MBD5: variants seen among roughly 807,000 people sequenced by gnomAD.
The protein encoded by MBD5 is methyl-CpG binding domain protein 5.
MBD5 carries 13 observed loss-of-function variants against 117.3 expected under a neutral mutation model. The ratio of observed to expected loss-of-function variants is 0.11; its 90% CI spans 0.07 to 0.18. The LOEUF (loss-of-function observed/expected upper bound fraction) is 0.18, where lower values mean the gene tolerates loss of function less well. Ranked by LOEUF, MBD5 falls within the 10% of genes least tolerant of loss-of-function variation. The pLI is 1.00. For missense variants in MBD5, 1,879 were observed against 2,093.8 expected (o/e 0.90, Z 2.00); for synonymous variants, 727 against 766.4 (o/e 0.95, Z 0.85).
intron 2 of MBD5, among the ~76,000 whole-genome samples, chr2:148,208,608 A>C (rs1358045239): frequency 1.3e-5 from 2 of 151,298 alleles, no homozygotes; most frequent in Non-Finnish European, 2.9e-5. Flanking sequence ...GTGTGGCTGG[A>C]AACAATTTTG....
chr2:148,245,327 G>A (rs1434421648), intron 3 of MBD5, among the ~76,000 whole-genome samples: 1 of 152,190 alleles, frequency 6.6e-6, no homozygotes, highest in Admixed American at 6.5e-5. Flanking sequence ...CTGGGTTCAA[G>A]CGATTCTCCT....
chr2:148,279,002 A>G (rs1701177095), intron 3 of MBD5, among the ~76,000 whole-genome samples: 1 of 152,150 alleles, frequency 6.6e-6, no homozygotes, highest in African/African-American at 2.4e-5. Flanking sequence ...TTTTTGTTCC[A>G]TATGGTCCCC....
intron 1 of MBD5, among the ~76,000 whole-genome samples, chr2:148,138,195 A>T (rs1355787283): frequency 1.3e-5 from 2 of 152,226 alleles, no homozygotes; most frequent in Non-Finnish European, 2.9e-5. Context: ...CAAAGGCCTC[A>T]TACACAGTGC....
intron 1 of MBD5, among the ~76,000 whole-genome samples, chr2:148,151,634 A>G (rs1215112222): frequency 6.6e-6 from 1 of 152,178 alleles, no homozygotes; most frequent in Non-Finnish European, 1.5e-5. Context: ...TTATTGGTCT[A>G]TTCAGAGATT....
intron 1 of MBD5, among the ~76,000 whole-genome samples, chr2:148,139,842 C>T (rs1433498159): frequency 7.2e-5 from 11 of 152,168 alleles, no homozygotes; most frequent in Admixed American, 4.6e-4. Context: ...CCCAACATAT[C>T]CTGTTCACCT....
intron 2 of MBD5, among the ~76,000 whole-genome samples, chr2:148,195,075 A>C (rs1574120421): frequency 6.6e-6 from 1 of 152,196 alleles, no homozygotes; most frequent in African/African-American, 2.4e-5. Context: ...AGGTATGTCT[A>C]TGTTCCAATA....
At chr2:148,412,696 G>C (rs1337783703) in intron 4 of MBD5, among the ~76,000 whole-genome samples, 1 of 151,938 alleles carries the variant, frequency 6.6e-6, no homozygotes, top group African/African-American at 2.4e-5. Flanking sequence ...TGTATTCCCA[G>C]GTATTTTATT....
chr2:148,238,348 G>T (rs957320167), intron 3 of MBD5, among the ~76,000 whole-genome samples: 23 of 152,244 alleles, frequency 1.5e-4, no homozygotes, highest in African/African-American at 5.3e-4. Context: ...TAAAAATGTA[G>T]GGTATGCATG....
chr2:148,409,544 A>G (rs921320940), intron 4 of MBD5, among the ~76,000 whole-genome samples: 1 of 152,076 alleles, frequency 6.6e-6, no homozygotes, highest in Admixed American at 6.5e-5. Context: ...AGTGTTTTCT[A>G]AAAGTTATTC....
intron 1 of MBD5, chr2:148,068,585 T>A (rs1265651150): frequency 6.6e-6 from 1 of 152,248 alleles, no homozygotes; most frequent in African/African-American, 2.4e-5. Context: ...GAAGGAATAC[T>A]TCCAGCAGGT....
chr2:148,152,169 CT>C (rs1697694077), intron 1 of MBD5, among the ~76,000 whole-genome samples: 1 of 152,150 alleles, frequency 6.6e-6, no homozygotes, highest in Admixed American at 6.5e-5. Flanking sequence ...TCAAAAACAT[CT>C]TTATTTCTGC....
chr2:148,063,139 T>C (rs907063400), intron 1 of MBD5, among the ~76,000 whole-genome samples: 2 of 152,200 alleles, frequency 1.3e-5, no homozygotes, highest in African/African-American at 4.8e-5. Context: ...TGTTTTTCAA[T>C]AAAGTTGAGG....
At chr2:148,288,716 G>A (rs1037197937) in intron 3 of MBD5, among the ~76,000 whole-genome samples, 2 of 151,714 alleles carry the variant, frequency 1.3e-5, no homozygotes, top group Non-Finnish European at 1.5e-5. Context: ...TCTATCACAG[G>A]ATACTTTGTT....
chr2:148,266,790 A>T (rs1174997226), intron 3 of MBD5, among the ~76,000 whole-genome samples: 1 of 152,192 alleles, frequency 6.6e-6, no homozygotes, highest in African/African-American at 2.4e-5. Context: ...ATTTATCTGA[A>T]GAAAACTATA....
intron 2 of MBD5, among the ~76,000 whole-genome samples, chr2:148,216,654 G>A (rs748189936): frequency 9.2e-5 from 14 of 152,126 alleles, no homozygotes; most frequent in African/African-American, 3.4e-4. Flanking sequence ...TCCCCAAGAG[G>A]TGGGCAGAAA....
chr2:148,406,478 T>G (rs989895932), intron 4 of MBD5, among the ~76,000 whole-genome samples: 1 of 152,168 alleles, frequency 6.6e-6, no homozygotes, highest in Non-Finnish European at 1.5e-5. Flanking sequence ...GCAGATTGCT[T>G]CTTCCAGTCA....
chr2:148,219,147 A>C (rs561873056), intron 2 of MBD5, among the ~76,000 whole-genome samples: 2 of 152,258 alleles, frequency 1.3e-5, no homozygotes, highest in South Asian at 2.1e-4. Flanking sequence ...GTTTCTATTA[A>C]ATTTTTTTCT....
chr2:148,239,019 T>TACAC (rs10692364), intron 3 of MBD5, among the ~76,000 whole-genome samples: 34,111 of 149,690 alleles, frequency 0.23, 4,235 homozygotes, highest in East Asian at 0.52. Flanking sequence ...ATATATTATA[T>TACAC]ACACACACAC....
At chr2:148,449,234 T>G (rs1354651560) in intron 4 of MBD5, among the ~76,000 whole-genome samples, 1 of 152,066 alleles carries the variant, frequency 6.6e-6, no homozygotes, top group Non-Finnish European at 1.5e-5. Flanking sequence ...AAGGAAGTGT[T>G]GCATAGTATT....
Sources: gnomAD v4.1 joint callset for allele counts (sites outside exome capture counted in the v4.1 genomes callset) on GRCh38, gnomAD v4.1.1 for gene constraint, MANE v1.5 for transcripts, NCBI Gene and HGNC (gene_info 2026-07-23, HGNC 2026-07-21) for gene names.